KAZN: variants seen among roughly 807,000 people sequenced by gnomAD.
KAZN encodes the protein kazrin, periplakin interacting protein.
KAZN carries 40 observed loss-of-function variants against 87.4 expected under a neutral mutation model. The observed-to-expected ratio is 0.46, with a 90% CI of 0.36 to 0.60. The LOEUF is 0.60. KAZN is among the 20% of genes least tolerant of loss of function. The pLI, the probability that KAZN is intolerant of heterozygous loss-of-function variation, is 0.00. For missense variants in KAZN, 898 were observed against 1,073.9 expected (o/e 0.84, Z 2.29); for synonymous variants, 466 against 458.3 (o/e 1.02, Z -0.22).
At chr1:13,917,939 A>G (rs1443453467) in intron 1 of KAZN, among the ~76,000 whole-genome samples, 2 of 152,228 alleles carry the variant, frequency 1.3e-5, no homozygotes, top group Admixed American at 6.5e-5. Flanking sequence ...ATTGGGACCT[A>G]CTGCTCAGAT....
chr1:14,433,260 C>G (rs72870876), intron 2 of KAZN, among the ~76,000 whole-genome samples: 2 of 152,276 alleles, frequency 1.3e-5, no homozygotes, highest in South Asian at 2.1e-4. Context: ...CACCCACCCC[C>G]CACAGAGACA....
chr1:15,039,208 G>C (rs940994020), intron 3 of KAZN, among the ~76,000 whole-genome samples: 1 of 150,224 alleles, frequency 6.7e-6, no homozygotes, highest in Non-Finnish European at 1.5e-5. Flanking sequence ...GCAATCCTTC[G>C]AGGAGTGATT....
Position 14,856,448 on chromosome 1 carries a change from G to A in KAZN, c.227-104236G>A, listed in dbSNP as rs1189895974. 6.6e-6 allele frequency among the ~76,000 whole-genome samples: 1 copy of A among 152,174 alleles called. No homozygotes were observed. The highest frequency in any genetic ancestry group is 1.5e-5 in the Non-Finnish European group (1 of 68,026). On this transcript the variant is annotated intron_variant, in intron 1 of 14. Transcript: ENST00000376030. The surrounding 1 kb of genome is among the most constrained non-coding windows in gnomAD (Gnocchi z 5.2). ...GGCATAGCTAAAGACATTACAAAGG[G>A]CTGGGAATTAATATATACATAAGCG...
chr1:14,768,010 G>A (rs11805869), intron 1 of KAZN, among the ~76,000 whole-genome samples: 73,680 of 152,004 alleles, frequency 0.48, 18,701 homozygotes, highest in Non-Finnish European at 0.57. Context: ...GAGCACCTAC[G>A]AGCTTTAGCT....
At chr1:14,485,791 G>A (rs1401300697) in intron 2 of KAZN, among the ~76,000 whole-genome samples, 2 of 151,740 alleles carry the variant, frequency 1.3e-5, no homozygotes, top group Non-Finnish European at 2.9e-5. Context: ...TACTTAGGAG[G>A]CTGAGGCAGG....
intron 1 of KAZN, among the ~76,000 whole-genome samples, chr1:14,047,581 A>G (rs971436607): frequency 6.6e-6 from 1 of 152,156 alleles, no homozygotes; most frequent in African/African-American, 2.4e-5. Context: ...AGAAAGAAAA[A>G]GTTTAGTCCG....
intron 1 of KAZN, among the ~76,000 whole-genome samples, chr1:14,618,955 C>T (rs1678472608): frequency 6.6e-6 from 1 of 152,094 alleles, no homozygotes; most frequent in East Asian, 1.9e-4. Context: ...GTAGGTGGGT[C>T]TTTGGGCAGA....
chr1:14,141,226 G>A (rs1252057306), intron 1 of KAZN, among the ~76,000 whole-genome samples: 3 of 132,148 alleles, frequency 2.3e-5, no homozygotes, highest in Admixed American at 1.7e-4. Context: ...CTGTTGAAGT[G>A]ATTACCATTT....
chr1:14,452,203 C>T (rs1404927872), intron 2 of KAZN, among the ~76,000 whole-genome samples: 1 of 152,086 alleles, frequency 6.6e-6, no homozygotes, highest in Non-Finnish European at 1.5e-5. Context: ...GCATCCCAAA[C>T]TGCTAGGATT....
chr1:14,542,607 T>C (rs1296477269), intron 2 of KAZN, among the ~76,000 whole-genome samples: 1 of 152,190 alleles, frequency 6.6e-6, no homozygotes, highest in African/African-American at 2.4e-5. Flanking sequence ...ATTTGTTACA[T>C]GGGAATATTG....
chr1:13,995,904 C>T (rs561090532), intron 1 of KAZN, among the ~76,000 whole-genome samples: 27 of 152,290 alleles, frequency 1.8e-4, no homozygotes, highest in African/African-American at 5.8e-4. Flanking sequence ...ATGATAGAGG[C>T]GGTGCCAAGA....
At chr1:15,044,512 A>G (rs10927656) in intron 4 of KAZN, among the ~76,000 whole-genome samples, 77,612 of 151,800 alleles carry the variant, frequency 0.51, 20,509 homozygotes, top group African/African-American at 0.62. Flanking sequence ...AGTTTAGGAG[A>G]CCAGGGCAGG....
At chr1:14,987,497 TA>T (rs936825236) in intron 2 of KAZN, among the ~76,000 whole-genome samples, 49 of 146,016 alleles carry the variant, frequency 3.4e-4, no homozygotes, top group Admixed American at 6.8e-4. Flanking sequence ...CCATCTCAAT[TA>T]AAAAAAAAAA....
intron 2 of KAZN, among the ~76,000 whole-genome samples, chr1:14,419,994 G>A (rs1281793290): frequency 5.9e-5 from 9 of 152,172 alleles, no homozygotes; most frequent in Admixed American, 5.9e-4. Flanking sequence ...CCGGCAGCCT[G>A]CTTTTATTCC....
At chr1:13,934,740 C>G (rs563918538) in intron 1 of KAZN, among the ~76,000 whole-genome samples, 2 of 152,214 alleles carry the variant, frequency 1.3e-5, no homozygotes, top group African/African-American at 4.8e-5. Context: ...ACTGGGCTTC[C>G]GGGCATTGTA....
At chr1:14,152,210 T>C (rs1321923734) in intron 1 of KAZN, among the ~76,000 whole-genome samples, 2 of 152,192 alleles carry the variant, frequency 1.3e-5, no homozygotes, top group Admixed American at 1.3e-4. Flanking sequence ...TTGTTAAATA[T>C]ACAATTAAAT....
chr1:14,208,934 C>T (rs936341779), intron 2 of KAZN, among the ~76,000 whole-genome samples: 17 of 152,336 alleles, frequency 1.1e-4, no homozygotes, highest in African/African-American at 4.1e-4. Flanking sequence ...ATAGACATTC[C>T]TGCATTCTTA....
At chr1:14,373,865 T>C (rs955012674) in intron 2 of KAZN, among the ~76,000 whole-genome samples, 7 of 152,196 alleles carry the variant, frequency 4.6e-5, no homozygotes, top group African/African-American at 1.4e-4. Flanking sequence ...TAAGATGTAA[T>C]TTGCTAGGGA....
At chr1:14,860,256 A>T (rs1263191436) in intron 1 of KAZN, among the ~76,000 whole-genome samples, 1 of 150,946 alleles carries the variant, frequency 6.6e-6, no homozygotes, top group Non-Finnish European at 1.5e-5. Context: ...CAGTGGCGTG[A>T]TCTCAGTTCA....
Sources: allele counts gnomAD v4.1 joint callset (sites outside exome capture counted in the v4.1 genomes callset), GRCh38; gene constraint gnomAD v4.1.1; non-coding constraint Gnocchi (gnomAD v3.1); transcripts MANE v1.5; gene names NCBI Gene and HGNC (gene_info 2026-07-23, HGNC 2026-07-21).